The following TADA3 variants were observed in gnomAD, a reference collection of about 807,000 sequenced individuals.
TADA3 encodes transcriptional adaptor 3, also known as transcriptional adapter 3.
TADA3 carries 25 observed loss-of-function variants against 43.2 expected under a neutral mutation model. The ratio of observed to expected loss-of-function variants is 0.58; its 90% confidence interval spans 0.42 to 0.81. The LOEUF (loss-of-function observed/expected upper bound fraction) is 0.81, where lower values mean the gene tolerates loss of function less well. Ranked by LOEUF, TADA3 falls within the 30% of genes least tolerant of loss-of-function variation. The pLI is 0.00. For synonymous variants in TADA3, 235 were observed against 225.5 expected, an observed-to-expected ratio of 1.04 and a Z score of -0.38; for missense variants, 441 against 567.8, an observed-to-expected ratio of 0.78 and a Z score of 2.27.
At chr3:9,783,074 G>A (rs1311622796) in intron 8 of TADA3, 1 of 152,136 alleles carries the variant, frequency 6.6e-6, no homozygotes, top group African/African-American at 2.4e-5. Flanking sequence ...AATTTCTTGT[G>A]ATGAGCAAAT....
intron 2 of TADA3, 47 bp from the exon 3 acceptor site, chr3:9,790,010 G>A: frequency 2.6e-6 from 4 of 1,533,518 alleles, no homozygotes; most frequent in Non-Finnish European, 3.5e-6. Flanking sequence ...GGAAAACACA[G>A]AATATCTCTT....
intron 8 of TADA3, among the ~76,000 whole-genome samples, chr3:9,782,847 T>G (rs2078511643): frequency 6.6e-6 from 1 of 151,274 alleles, no homozygotes; most frequent in Non-Finnish European, 1.5e-5. Flanking sequence ...CAGGGCTCTA[T>G]GAAGTTAAGA....
Position 9,780,232 on chromosome 3 carries a change from G to T in TADA3, c.*125C>A. ...AAAAGACCTCAGGGGAAGGGCCACGGCCCTCTAGAGACTGCCGCCATTTGA... is the reference window on the plus strand; with the variant it reads ...AAAAGACCTCAGGGGAAGGGCCACGTCCCTCTAGAGACTGCCGCCATTTGA... On this transcript the variant is annotated 3_prime_UTR_variant, in exon 9 of 9. Coordinates refer to ENST00000301964, the MANE Select transcript of TADA3 (RefSeq NM_006354.5). 9.7e-7 allele frequency: 1 copy of T among 1,026,640 alleles called. No homozygotes were observed. The highest frequency in any genetic ancestry group is 1.4e-6 in the Non-Finnish European group (1 of 710,904). The allele number at this position is 1,026,640 out of a possible 1,614,324, so 63.6% of individuals were successfully genotyped here. A position where few individuals can be genotyped will look rare whatever the true frequency, so the allele number is the denominator to read the frequency against.
At chr3:9,787,762 A>T (rs1335297051) in intron 4 of TADA3, 9 of 1,238,410 alleles carry the variant, frequency 7.3e-6, no homozygotes, top group Non-Finnish European at 8.5e-6. Flanking sequence ...GTGAAGTGAA[A>T]GAGAGAGATC....
chr3:9,791,524 A>G (rs2078733239), intron 1 of TADA3, 31 bp from the exon 2 acceptor site: 1 of 1,414,686 alleles, frequency 7.1e-7, no homozygotes, highest in East Asian at 2.4e-5. Flanking sequence ...GATGGGAGAC[A>G]AAGTGGTCTG....
At chr3:9,786,923 T>G (rs1327861415) in intron 6 of TADA3, 83 bp downstream of exon 6, 5 of 1,297,614 alleles carry the variant, frequency 3.9e-6, no homozygotes, top group Non-Finnish European at 5.5e-6. Context: ...CTAATAAATG[T>G]ATGATAAATT....
chr3:9,780,724 C>T (rs1335813871), intron 8 of TADA3, among the ~76,000 whole-genome samples, 175 bp from the exon 9 acceptor site: 2 of 152,186 alleles, frequency 1.3e-5, no homozygotes, highest in African/African-American at 2.4e-5. Context: ...ATCTTAAGCT[C>T]CTGAAAAATA....
rs763793622 is a variant in TADA3 at position 9,785,279 on chromosome 3, G to C, written c.920+37C>G. On this transcript the variant is annotated intron_variant, in intron 7 of 8. Coordinates refer to ENST00000301964, the MANE Select transcript of TADA3 (RefSeq NM_006354.5). ...GATGGAGAGAAGCCAACAGAAGCGG[G>C]GGCCAGACTGTGGGTTGTGGATAGG... 4.6e-6 allele frequency: 7 copies of C among 1,528,346 alleles called. No individual in the cohort carries two copies. The South Asian group carries it at 5.7e-5, about 12-fold the overall frequency. 94.7% of individuals were successfully genotyped at this position (1,528,346 alleles called of 1,614,324 possible). A position where few individuals can be genotyped will look rare whatever the true frequency, so the allele number is the denominator to read the frequency against.
Position 9,789,633 on chromosome 3 carries a change from C to T in TADA3, c.459-19G>A. On this transcript the variant is annotated intron_variant, in intron 3 of 8. Transcript: ENST00000301964. Reference sequence around the variant, plus strand: ...CCAGAACCTGCAGGGAGAAGCAGATCCTGAGTGGGCGCCCCTGCCCCACCA... The same window carrying T: ...CCAGAACCTGCAGGGAGAAGCAGATTCTGAGTGGGCGCCCCTGCCCCACCA... 6.2e-7 allele frequency: 1 copy of T among 1,613,002 alleles called. No homozygotes were observed. Among genetic ancestry groups the T allele is most frequent in the Non-Finnish European group, 8.5e-7 (1 of 1,179,394 alleles).
rs946613865 is a variant in TADA3, at chr3:9,790,100, C to T, written c.208-137G>A. The stretch of plus-strand genomic sequence containing the variant: ...CCATCCTCTTTTTACCTAGTAAACT[C>T]TTACTCATCCTTCAAAATTCAGCTC... On this transcript the variant is annotated intron_variant, in intron 2 of 8. Transcript: ENST00000301964. The T allele has an allele frequency of 3.1e-5, 34 of 1,105,106 alleles. No homozygotes were observed. The African/African-American group carries it at 5.1e-4, about 17-fold the overall frequency. 68.5% of individuals were successfully genotyped at this position (1,105,106 alleles called of 1,614,324 possible).
chr3:9,784,000 C>G (rs746699534), intron 8 of TADA3, 28 bp downstream of exon 8: 1 of 1,601,432 alleles, frequency 6.2e-7, no homozygotes, highest in East Asian at 2.3e-5. Context: ...AGGCCACCCC[C>G]GGGACTGTGC....
intron 2 of TADA3, among the ~76,000 whole-genome samples, chr3:9,790,877 C>T (rs150883288): frequency 7.9e-4 from 120 of 152,286 alleles, no homozygotes; most frequent in African/African-American, 2.9e-3. Context: ...TCCAGGTTTC[C>T]CCATTCCAGT....
chr3:9,792,539 G>A, upstream of TADA3: 1 of 1,226,360 alleles, frequency 8.2e-7, no homozygotes, highest in Non-Finnish European at 1.0e-6. Context: ...GCCTACTGGA[G>A]TTTGCCGGGG....
At chr3:9,786,897 C>T in intron 6 of TADA3, 109 bp downstream of exon 6, 1 of 1,021,062 alleles carries the variant, frequency 9.8e-7, no homozygotes, top group Non-Finnish European at 1.5e-6. Flanking sequence ...TTGCACCAAC[C>T]TATTTTTGCA....
upstream of TADA3, chr3:9,792,854 G>T (rs41278549): frequency 2.9e-6 from 4 of 1,368,226 alleles, no homozygotes; most frequent in Non-Finnish European, 3.8e-6. Context: ...TGACAAGAAG[G>T]CCGAAGGCAC....
rs1559721882 is a variant in TADA3, at chr3:9,791,281, A to T, written c.186T>A (p.Arg62=). ...TCACCTGGGTTTCGGCCTCAAGCAC[A>T]CGCAGGCGCCGGCTGGCAGAAGACA... ...TLLSSASRRL[R]VLEAETQILT... is the part of the protein sequence containing the mutation. The change falls in exon 2 of 9, where the codon CGT becomes CGA. Residue 62 remains arginine, a synonymous_variant. Transcript: ENST00000301964. 6.8e-6 allele frequency: 11 copies of T among 1,613,070 alleles called. No individual in the cohort carries two copies. The highest frequency in any genetic ancestry group is 8.5e-6 in the Non-Finnish European group (10 of 1,179,980).
At chr3:9,781,345 T>A (rs1031457355) in intron 8 of TADA3, among the ~76,000 whole-genome samples, 2 of 149,072 alleles carry the variant, frequency 1.3e-5, no homozygotes, top group African/African-American at 2.4e-5. Context: ...ACTCTCTCTC[T>A]CTGTCTTTCA....
At chr3:9,781,375 C>A in intron 8 of TADA3, 1 of 395,924 alleles carries the variant, frequency 2.5e-6, no homozygotes, top group South Asian at 1.8e-5. Context: ...AACAACCCTG[C>A]AAAATATGTA....
chr3:9,784,299 G>C (rs1334639690), intron 7 of TADA3, 86 bp from the exon 8 acceptor site: 1 of 1,488,306 alleles, frequency 6.7e-7, no homozygotes, highest in East Asian at 2.4e-5. Context: ...CCCAAGGTCA[G>C]TGAAAACCTG....
Sources: allele counts gnomAD v4.1 joint callset (sites outside exome capture counted in the v4.1 genomes callset), GRCh38; gene constraint gnomAD v4.1.1; transcripts MANE v1.5; gene names NCBI Gene and HGNC (gene_info 2026-07-23, HGNC 2026-07-21).